Variants in SPIDR observed in about 807,000 individuals in gnomAD.
SPIDR encodes the protein scaffold protein involved in DNA repair, also known as DNA repair-scaffolding protein.
SPIDR carries 93 observed loss-of-function variants against 104.6 expected under a neutral mutation model. The observed-to-expected ratio is 0.89, with a 90% confidence interval of 0.75 to 1.06. The LOEUF (loss-of-function observed/expected upper bound fraction) is 1.06. Among genes scored for constraint, SPIDR ranks in the 50% least tolerant of loss-of-function variants. The pLI, the probability that SPIDR is intolerant of heterozygous loss-of-function variation, is 0.00. For missense variants in SPIDR, 1,154 were observed against 1,111.2 expected (o/e 1.04, Z -0.55); for synonymous variants, 431 against 416.9 (o/e 1.03, Z -0.41).
chr8:47,275,299 A>C (rs2036191775), intron 1 of SPIDR, among the ~76,000 whole-genome samples: 1 of 152,034 alleles, frequency 6.6e-6, no homozygotes, highest in African/African-American at 2.4e-5. Context: ...ATAAATCTAT[A>C]AAACCTATAA....
intron 5 of SPIDR, among the ~76,000 whole-genome samples, chr8:47,327,979 T>C (rs2047976253): frequency 6.6e-6 from 1 of 151,138 alleles, no homozygotes; most frequent in African/African-American, 2.4e-5. Context: ...ATTACAGGCA[T>C]GAGCCACGAC....
At chr8:47,558,107 A>G (rs1025590009) in intron 8 of SPIDR, among the ~76,000 whole-genome samples, 2 of 152,194 alleles carry the variant, frequency 1.3e-5, no homozygotes, top group African/African-American at 4.8e-5. Context: ...TACTGGGTAC[A>G]CATGTACATA....
At chr8:47,550,100 G>T (rs1213203335) in intron 8 of SPIDR, among the ~76,000 whole-genome samples, 2 of 151,964 alleles carry the variant, frequency 1.3e-5, no homozygotes, top group Non-Finnish European at 1.5e-5. Flanking sequence ...ATTTCTGAGG[G>T]CTCTGTTCTA....
chr8:47,719,054 C>T (rs571226454), intron 16 of SPIDR, among the ~76,000 whole-genome samples: 22 of 152,166 alleles, frequency 1.4e-4, no homozygotes, highest in Admixed American at 1.4e-3. Flanking sequence ...GGGGAGGTGG[C>T]CTGCATGGCA....
intron 5 of SPIDR, among the ~76,000 whole-genome samples, chr8:47,366,709 T>G (rs183548673): frequency 1.9e-3 from 292 of 152,326 alleles, no homozygotes; most frequent in African/African-American, 6.9e-3. Context: ...TTTTATCAGG[T>G]AAAGTTGAAT....
At chr8:47,389,542 A>G (rs2060326528) in intron 5 of SPIDR, among the ~76,000 whole-genome samples, 1 of 151,984 alleles carries the variant, frequency 6.6e-6, no homozygotes, top group South Asian at 2.1e-4. Flanking sequence ...ACAAAAAATT[A>G]GCTGGGCGTG....
At chr8:47,265,294 A>G (rs2033703921) in intron 1 of SPIDR, among the ~76,000 whole-genome samples, 1 of 147,150 alleles carries the variant, frequency 6.8e-6, no homozygotes, top group African/African-American at 2.6e-5. Context: ...GGCTCAAGTG[A>G]TCCTCCCATT....
chr8:47,533,855 A>AT (rs2086450428), intron 8 of SPIDR, among the ~76,000 whole-genome samples: 1 of 152,226 alleles, frequency 6.6e-6, no homozygotes, highest in Non-Finnish European at 1.5e-5. Context: ...GGAAAGCAGT[A>AT]TGGTGATTCC....
At chr8:47,627,825 C>T (rs1052783239) in intron 10 of SPIDR, among the ~76,000 whole-genome samples, 2 of 152,188 alleles carry the variant, frequency 1.3e-5, no homozygotes, top group African/African-American at 4.8e-5. Flanking sequence ...GCAGCCTTGA[C>T]GTACTGGCCG....
chr8:47,405,256 TGAC>T (rs1488536677), intron 6 of SPIDR, among the ~76,000 whole-genome samples: 3 of 151,548 alleles, frequency 2.0e-5, no homozygotes, highest in Non-Finnish European at 4.4e-5. Context: ...CTAATGTAGA[TGAC>T]GAGTTAACGG....
intron 5 of SPIDR, among the ~76,000 whole-genome samples, chr8:47,327,064 CA>C: frequency 6.6e-6 from 1 of 152,192 alleles, no homozygotes; most frequent in South Asian, 2.1e-4. Context: ...TAGCAACGCA[CA>C]AAGGTTTCAG....
intron 11 of SPIDR, among the ~76,000 whole-genome samples, chr8:47,683,469 C>T (rs1374237056): frequency 6.6e-6 from 1 of 152,110 alleles, no homozygotes; most frequent in East Asian, 1.9e-4. Flanking sequence ...GGCAGAGGCC[C>T]GTGGGAAAGC....
rs112901164 is a variant in SPIDR at position 47,361,470 on chromosome 8, A to T, written c.526-34906A>T. Among the ~76,000 whole-genome samples the T allele has an allele frequency of 8.9e-4, 136 of 152,344 alleles. 1 individual carries two copies. Among genetic ancestry groups the T allele is most frequent in the African/African-American group, 3.1e-3 (128 of 41,576 alleles). On this transcript the variant is annotated intron_variant, in intron 5 of 19. Coordinates refer to ENST00000297423, the MANE Select transcript of SPIDR (RefSeq NM_001080394.4). ...AGAGCTAATGAGCTTAGGTTGGATG[A>T]GGCTGGGTTAGGCAGGTAGGAACCA...
chr8:47,701,993 C>A lies in SPIDR; in HGVS notation c.1955C>A (p.Thr652Lys). The part of the protein sequence containing the change: ...DLGTRCSFYA[T>K]VIYQKPQLKS... ...GGTACCCGTTGCAGTTTCTATGCCA[C>A]GGTGATTTACCAAAAACCACAGGTA... The change falls in exon 14 of 20, where the codon ACG becomes AAG. Residue 652 changes from threonine to lysine, a missense_variant. Transcript: ENST00000297423. 4 of 1,613,742 alleles carry A rather than the reference C, an allele frequency of 2.5e-6. No homozygotes were observed. The highest frequency in any genetic ancestry group is 2.5e-6 in the Non-Finnish European group (3 of 1,179,940).
intron 19 of SPIDR, chr8:47,732,182 C>T: frequency 1.4e-6 from 1 of 702,620 alleles, no homozygotes; most frequent in Non-Finnish European, 2.6e-6. Flanking sequence ...ACTTGGTTTC[C>T]TTCTGGCTAA....
At chr8:47,358,347 T>A (rs2054994167) in intron 5 of SPIDR, among the ~76,000 whole-genome samples, 1 of 152,214 alleles carries the variant, frequency 6.6e-6, no homozygotes, top group Non-Finnish European at 1.5e-5. Context: ...CTCAGCCTCC[T>A]GAGTTGCTAG....
chr8:47,509,668 T>G (rs545570110), intron 8 of SPIDR, among the ~76,000 whole-genome samples: 3 of 152,190 alleles, frequency 2.0e-5, no homozygotes, highest in Non-Finnish European at 4.4e-5. Flanking sequence ...TACTTCCTCT[T>G]TAGATAACTG....
At chr8:47,674,687 T>A (rs1319877833) in intron 11 of SPIDR, among the ~76,000 whole-genome samples, 1 of 152,246 alleles carries the variant, frequency 6.6e-6, no homozygotes, top group Non-Finnish European at 1.5e-5. Flanking sequence ...AAAGTCCAGT[T>A]CTGAGTGTAT....
intron 8 of SPIDR, among the ~76,000 whole-genome samples, chr8:47,567,780 CTTTTTTTTTTT>C (rs35199139): frequency 1.4e-5 from 1 of 71,004 alleles, no homozygotes; most frequent in Non-Finnish European, 2.5e-5. Flanking sequence ...TTTTCTTTTT[CTTTTTTTTTTT>C]TTTTTTTTTT....
Sources: gnomAD v4.1 joint callset for allele counts (sites outside exome capture counted in the v4.1 genomes callset) on GRCh38, gnomAD v4.1.1 for gene constraint, MANE v1.5 for transcripts, NCBI Gene and HGNC (gene_info 2026-07-23, HGNC 2026-07-21) for gene names.